S100A6: variants seen among roughly 807,000 people sequenced by gnomAD.
S100A6 encodes S100 calcium binding protein A6.
In S100A6, 3 loss-of-function variants were observed where a neutral mutation model predicts 3.5. The observed-to-expected ratio is 0.87, with a 90% CI of 0.39 to 2.24. The LOEUF is 2.24. S100A6 is among the 30% of genes most tolerant of loss of function. The pLI, the probability that S100A6 is intolerant of heterozygous loss-of-function variation, is 0.05. For missense variants in S100A6, 114 were observed against 105.3 expected (o/e 1.08, Z -0.36); for synonymous variants, 48 against 45.2 (o/e 1.06, Z -0.25).
intron 2 of S100A6, 45 bp from the exon 3 acceptor site, chr1:153,534,875 C>T (rs1260436059): frequency 6.3e-7 from 1 of 1,582,842 alleles, no homozygotes; most frequent in Admixed American, 1.8e-5. Flanking sequence ...GTGATGACAA[C>T]CCTGGATTCT....
rs1665129294 is a variant in S100A6, at chr1:153,534,634, C to T, written c.*62G>A. The T allele has an allele frequency of 6.8e-7, 1 of 1,479,822 alleles. No homozygotes were observed. Among genetic ancestry groups the T allele is most frequent in the Non-Finnish European group, 9.0e-7 (1 of 1,109,916 alleles). The allele number at this position is 1,479,822 out of a possible 1,614,324, so 91.7% of individuals were successfully genotyped here. On this transcript the variant is annotated 3_prime_UTR_variant, in exon 3 of 3. Transcript: ENST00000368719. ...CAAAAAAAATTTATTGTACAATTAC[C>T]CACCACTGGATTTGACTCAGAGAGG... is the stretch of plus-strand genomic sequence containing the variant.
rs776637555 is a variant in S100A6, at chr1:153,535,202, C to A, written c.138G>T (p.Ser46=). ...GGGTCCTGGGGAGGAGGCCACTCAC[C>A]GAGCCAATGGTGAGCTCCTTCTGGA... ...ELIQKELTIG[S]KLQDAEIARL... The change falls in exon 2 of 3, where the codon TCG becomes TCT. Residue 46 remains serine (S), a splice_region_variant and synonymous_variant. Coordinates refer to ENST00000368719, the MANE Select transcript of S100A6 (RefSeq NM_014624.4). The A allele has an allele frequency of 1.9e-6, 3 of 1,614,046 alleles. No homozygotes were observed. In the Admixed American group the frequency reaches 5.0e-5, roughly 27 times the overall value.
chr1:153,534,962 G>A, intron 2 of S100A6, 132 bp from the exon 3 acceptor site: 2 of 1,257,156 alleles, frequency 1.6e-6, no homozygotes, highest in Non-Finnish European at 2.2e-6. Context: ...ATGTCACTTT[G>A]GCATTGCTTC....
At chr1:153,535,517 G>A in intron 1 of S100A6, 157 bp from the exon 2 acceptor site, 1 of 765,464 alleles carries the variant, frequency 1.3e-6, no homozygotes. Context: ...TGAAGGGGAA[G>A]GAGAGAGCAC....
chr1:153,535,980 G>C lies in S100A6; in HGVS notation c.-53C>G, dbSNP rs1665170419. 1 of 152,404 alleles carries C rather than the reference G, an allele frequency of 6.6e-6. No individual in the cohort carries two copies. The highest frequency in any genetic ancestry group is 1.5e-5 in the Non-Finnish European group (1 of 68,174). The allele number at this position is 152,404 out of a possible 1,614,324, so 9.4% of individuals were successfully genotyped here. ...GGAGGCGGCCAAATGCGACGCGAGC[G>C]GTCGAGGGGATGGGCTGTGTCGCAG... On this transcript the variant is annotated 5_prime_UTR_variant, in exon 1 of 3. Transcript: ENST00000368719.
chr1:153,535,364 GCAGCAGAGGGC>G lies in S100A6; in HGVS notation c.-21-15_-21-5del. On this transcript the variant is annotated splice_region_variant and splice_polypyrimidine_tract_variant and intron_variant, in intron 1 of 2. Transcript: ENST00000368719. ...TGGCTGAGGGCTGGGCTTGGAGCTGGCAGCAGAGGGCCTAGTCAGTGCCATGGGAGCAAGGA... is the reference window on the plus strand; with the variant it reads ...TGGCTGAGGGCTGGGCTTGGAGCTGGCTAGTCAGTGCCATGGGAGCAAGGA... The G allele has an allele frequency of 6.2e-7, 1 of 1,612,738 alleles. No homozygotes were observed. The highest frequency in any genetic ancestry group is 8.5e-7 in the Non-Finnish European group (1 of 1,179,596).
rs11973 is a variant in S100A6, at chr1:153,534,629, A to T, written c.*67T>A. Reference sequence around the variant, plus strand: ...TTGACCAAAAAAAATTTATTGTACAATTACCCACCACTGGATTTGACTCAG... The same window carrying T: ...TTGACCAAAAAAAATTTATTGTACATTTACCCACCACTGGATTTGACTCAG... On this transcript the variant is annotated 3_prime_UTR_variant, in exon 3 of 3. Coordinates refer to ENST00000368719, the MANE Select transcript of S100A6 (RefSeq NM_014624.4). 5,975 of 1,470,630 alleles carry T rather than the reference A, an allele frequency of 4.1e-3. 200 individuals are homozygous for T. The African/African-American group carries it at 0.072, about 18-fold the overall frequency. 91.1% of individuals were successfully genotyped at this position (1,470,630 alleles called of 1,614,324 possible). A position where few individuals can be genotyped will look rare whatever the true frequency, so the allele number is the denominator to read the frequency against.
intron 1 of S100A6, 104 bp from the exon 2 acceptor site, chr1:153,535,464 G>T: frequency 8.0e-7 from 1 of 1,244,102 alleles, no homozygotes; most frequent in Non-Finnish European, 1.1e-6. Context: ...GAACCACCCA[G>T]TCTCAGGCCA....
In S100A6 at chr1:153,535,248, T is replaced by G. The variant is rs774695522; in HGVS notation, c.92A>C (p.Lys31Thr). 6 of 1,614,012 alleles carry G rather than the reference T, an allele frequency of 3.7e-6. No homozygotes were observed. The highest frequency in any genetic ancestry group is 1.7e-5 in the Admixed American group (1 of 60,002). ...GREGDKHTLS[K>T]KELKELIQKE... ...CTGGATCAGCTCCTTCAGCTCCTTC[T>G]TGCTCAGGGTGTGCTTGTCACCCTC... The change falls in exon 2 of 3, where the codon AAG (lysine) becomes ACG (threonine). Residue 31 changes from lysine (K) to threonine (T), a missense_variant. Transcript: ENST00000368719.
rs984066977 is a variant in S100A6, at chr1:153,535,068, A to G, written c.138+134T>C. The G allele has an allele frequency of 3.1e-6, 4 of 1,294,032 alleles. No individual in the cohort carries two copies. The African/African-American group carries it at 5.9e-5, about 19-fold the overall frequency. The allele number at this position is 1,294,032 out of a possible 1,614,324, so 80.2% of individuals were successfully genotyped here. ...CGCTGGGAGAGTGGGTCTACAGCTC[A>G]GGGTCTACATGTGGACCAGGGCCTC... is the stretch of plus-strand genomic sequence containing the variant. On this transcript the variant is annotated intron_variant, in intron 2 of 2. Transcript: ENST00000368719.
Position 153,535,030 on chromosome 1 carries a change from A to G in S100A6, c.138+172T>C. 2.7e-6 allele frequency: 3 copies of G among 1,117,996 alleles called. No homozygotes were observed. In the African/African-American group the frequency reaches 4.7e-5, roughly 17 times the overall value. 69.3% of individuals were successfully genotyped at this position (1,117,996 alleles called of 1,614,324 possible). On this transcript the variant is annotated intron_variant, in intron 2 of 2. Coordinates refer to ENST00000368719, the MANE Select transcript of S100A6 (RefSeq NM_014624.4). ...TTGGAGAGATGGATATCCGGCTGGA[A>G]GCATCCCCTACCCGCTGGGAGAGTG... is the stretch of plus-strand genomic sequence containing the variant.
intron 1 of S100A6, 130 bp from the exon 2 acceptor site, chr1:153,535,490 G>A (rs1665158863): frequency 1.0e-5 from 10 of 975,060 alleles, no homozygotes; most frequent in Non-Finnish European, 1.5e-5. Context: ...AATGGCATCA[G>A]GAGACAGCCC....
At position 153,534,621 on chromosome 1, in the gene S100A6, A is replaced by G; in HGVS notation, c.*75T>C. 1 of 1,437,072 alleles carries G rather than the reference A, an allele frequency of 7.0e-7. No individual in the cohort carries two copies. Among genetic ancestry groups the G allele is most frequent in the Non-Finnish European group, 9.3e-7 (1 of 1,080,700 alleles). The allele number at this position is 1,437,072 out of a possible 1,614,324, so 89.0% of individuals were successfully genotyped here. On this transcript the variant is annotated 3_prime_UTR_variant, in exon 3 of 3. Transcript: ENST00000368719. ...GGGTAAATTTGACCAAAAAAAATTT[A>G]TTGTACAATTACCCACCACTGGATT...
At position 153,535,229 on chromosome 1, in the gene S100A6, C is replaced by T; in HGVS notation, c.111G>A (p.Leu37=). 1 of 1,614,116 alleles carries T rather than the reference C, an allele frequency of 6.2e-7. No individual in the cohort carries two copies. Among genetic ancestry groups the T allele is most frequent in the Non-Finnish European group, 8.5e-7 (1 of 1,179,992 alleles). ...AGCCAATGGTGAGCTCCTTCTGGATCAGCTCCTTCAGCTCCTTCTTGCTCA... is the reference window on the plus strand; with the variant it reads ...AGCCAATGGTGAGCTCCTTCTGGATTAGCTCCTTCAGCTCCTTCTTGCTCA... The part of the protein sequence containing the change: ...HTLSKKELKE[L]IQKELTIGSK... Residue 37 remains leucine, a synonymous_variant, in exon 2 of 3, where the codon CTG becomes CTA. Coordinates refer to ENST00000368719, the MANE Select transcript of S100A6 (RefSeq NM_014624.4).
chr1:153,534,811 A>T lies in S100A6; in HGVS notation c.158T>A (p.Ile53Asn). The change falls in exon 3 of 3, where the codon ATT becomes AAT. Residue 53 changes from isoleucine to asparagine, a missense_variant. Physicochemically the swap from Ile to Asn is moderately radical, Grantham distance 149. Coordinates refer to ENST00000368719, the MANE Select transcript of S100A6 (RefSeq NM_014624.4). ...GTCCAAGTCTTCCATCAGCCTTGCA[A>T]TTTCAGCATCCTGCAGCTTCTAATG... is the stretch of plus-strand genomic sequence containing the variant. ...TIGSKLQDAE[I>N]ARLMEDLDRN... is the part of the protein sequence containing the mutation. 6.2e-7 allele frequency: 1 copy of T among 1,613,238 alleles called. No homozygotes were observed. The highest frequency in any genetic ancestry group is 1.1e-5 in the South Asian group (1 of 90,966).
chr1:153,534,619 T>G lies in S100A6; in HGVS notation c.*77A>C, dbSNP rs1665128677. The G allele has an allele frequency of 1.4e-6, 2 of 1,439,358 alleles. No homozygotes were observed. Among genetic ancestry groups the G allele is most frequent in the Non-Finnish European group, 1.8e-6 (2 of 1,084,030 alleles). The allele number at this position is 1,439,358 out of a possible 1,614,324, so 89.2% of individuals were successfully genotyped here. ...AAGGGTAAATTTGACCAAAAAAAAT[T>G]TATTGTACAATTACCCACCACTGGA... On this transcript the variant is annotated 3_prime_UTR_variant, in exon 3 of 3. Coordinates refer to ENST00000368719, the MANE Select transcript of S100A6 (RefSeq NM_014624.4).
rs11974 is a variant in S100A6, at chr1:153,535,260, T to C, written c.80A>G (p.His27Arg). 3 of 1,613,960 alleles carry C rather than the reference T, an allele frequency of 1.9e-6. No homozygotes were observed. Among genetic ancestry groups the C allele is most frequent in the Admixed American group, 1.7e-5 (1 of 59,990 alleles). The change falls in exon 2 of 3, where the codon CAC becomes CGC. Residue 27 changes from histidine to arginine, a missense_variant. Coordinates refer to ENST00000368719, the MANE Select transcript of S100A6 (RefSeq NM_014624.4). ...HKYSGREGDK[H>R]TLSKKELKEL... is the part of the protein sequence containing the mutation. ...CTTCAGCTCCTTCTTGCTCAGGGTG[T>C]GCTTGTCACCCTCCCTGCCGGAGTA...
chr1:153,535,458 C>T, intron 1 of S100A6, 98 bp from the exon 2 acceptor site: 1 of 1,300,650 alleles, frequency 7.7e-7, no homozygotes, highest in East Asian at 2.5e-5. Context: ...CCTTTGGAAC[C>T]ACCCAGTCTC....
rs1665147168 is a variant in S100A6 at position 153,535,210 on chromosome 1, T to A, written c.130A>T (p.Ile44Phe). 2 of 1,613,784 alleles carry A rather than the reference T, an allele frequency of 1.2e-6. No individual in the cohort carries two copies. The highest frequency in any genetic ancestry group is 8.5e-7 in the Non-Finnish European group (1 of 1,179,950). Residue 44 changes from isoleucine to phenylalanine, a missense_variant, in exon 2 of 3, where the codon ATT (isoleucine) becomes TTT (phenylalanine). Transcript: ENST00000368719. ...GGGAGGAGGCCACTCACCGAGCCAA[T>A]GGTGAGCTCCTTCTGGATCAGCTCC... ...LKELIQKELT[I>F]GSKLQDAEIA...
Sources: allele counts gnomAD v4.1 joint callset, GRCh38; gene constraint gnomAD v4.1.1; transcripts MANE v1.5; gene names NCBI Gene and HGNC (gene_info 2026-07-23, HGNC 2026-07-21).